The following ZNF143 variants were observed in gnomAD, a reference collection of about 807,000 sequenced individuals.
ZNF143 encodes the protein SPH-binding factor.
ZNF143 carries 49 observed loss-of-function variants against 74.1 expected under a neutral mutation model. The observed-to-expected ratio is 0.66, with a 90% CI of 0.53 to 0.84. ZNF143 has a LOEUF of 0.84. Among genes scored for constraint, ZNF143 ranks in the 40% least tolerant of loss-of-function variants. The pLI is 0.00. For synonymous variants in ZNF143, 304 were observed against 282.8 expected, an observed-to-expected ratio of 1.07 and a Z score of -0.75; for missense variants, 637 against 793.4, an observed-to-expected ratio of 0.80 and a Z score of 2.37.
intron 7 of ZNF143, among the ~76,000 whole-genome samples, chr11:9,493,093 C>T (rs1396049630): frequency 1.4e-5 from 2 of 141,210 alleles, no homozygotes; most frequent in African/African-American, 2.7e-5. Context: ...TTTTTTGAGA[C>T]GGATTCTCAC....
rs1386390017 is a variant in ZNF143, at chr11:9,527,564, G to C, written c.1868G>C (p.Arg623Thr). 2 of 1,612,200 alleles carry C rather than the reference G, an allele frequency of 1.2e-6. No individual in the cohort carries two copies. Among genetic ancestry groups the C allele is most frequent in the African/African-American group, 1.3e-5 (1 of 74,962 alleles). Residue 623 changes from arginine (R) to threonine (T), a missense_variant, in exon 16 of 16, where the codon AGA becomes ACA. Coordinates refer to ENST00000396602, the MANE Select transcript of ZNF143 (RefSeq NM_003442.6). ...CAGCCATCTCTGGAAGAAGCCATCA[G>C]AATAGCGTCTAGAATCCAACAAGGA... ...GEQPSLEEAI[R>T]IASRIQQGET...
rs1245802133 is a variant in ZNF143, at chr11:9,486,396, A to AT, written c.645+6850_645+6851insT. Among the ~76,000 whole-genome samples, 63 of 11,900 alleles carry AT rather than the reference A, an allele frequency of 5.3e-3. 1 individual carries two copies. The highest frequency in any genetic ancestry group is 7.2e-3 in the African/African-American group (33 of 4,590). The allele number at this position is 11,900 out of a possible 152,430, so 7.8% of individuals were successfully genotyped here. A position where few individuals can be genotyped will look rare whatever the true frequency, so the allele number is the denominator to read the frequency against. On this transcript the variant is annotated intron_variant, in intron 7 of 15. Coordinates refer to ENST00000396602, the MANE Select transcript of ZNF143 (RefSeq NM_003442.6). ...AATATATTATATATATAATATATATAATATATTATATATATAATATATATT... is the reference window on the plus strand; with the variant it reads ...AATATATTATATATATAATATATATATATATATTATATATATAATATATATT...
chr11:9,525,164 G>T, intron 14 of ZNF143, 76 bp from the exon 15 acceptor site: 1 of 1,536,906 alleles, frequency 6.5e-7, no homozygotes, highest in Non-Finnish European at 8.9e-7. Context: ...GAAATCCATT[G>T]TATTAAGTGG....
intron 11 of ZNF143, among the ~76,000 whole-genome samples, chr11:9,507,138 G>A (rs1848393725): frequency 6.6e-6 from 1 of 152,178 alleles, no homozygotes; most frequent in Non-Finnish European, 1.5e-5. Context: ...TTATGTTACG[G>A]TACATTAGTG....
chr11:9,466,398 C>T (rs987525585), intron 1 of ZNF143, among the ~76,000 whole-genome samples: 4 of 151,068 alleles, frequency 2.6e-5, no homozygotes, highest in Admixed American at 6.6e-5. Flanking sequence ...CGGATTCAAG[C>T]GATTCTCCTG....
intron 11 of ZNF143, among the ~76,000 whole-genome samples, chr11:9,505,605 G>T (rs1565056108): frequency 6.6e-6 from 1 of 152,130 alleles, no homozygotes; most frequent in Admixed American, 6.5e-5. Context: ...TTATGGCCAG[G>T]CATGGTGGCT....
intron 3 of ZNF143, chr11:9,473,633 A>G: frequency 7.8e-6 from 4 of 512,692 alleles, no homozygotes; most frequent in Non-Finnish European, 1.0e-5. Context: ...GGTCATGGTC[A>G]CTGATTCTAA....
intron 15 of ZNF143, among the ~76,000 whole-genome samples, chr11:9,526,724 G>C (rs558640963): frequency 2.0e-5 from 3 of 152,082 alleles, no homozygotes; most frequent in Non-Finnish European, 4.4e-5. Flanking sequence ...TTATAGTCAT[G>C]AGCCACCATG....
At chr11:9,484,621 T>G (rs1847385957) in intron 7 of ZNF143, among the ~76,000 whole-genome samples, 2 of 148,264 alleles carry the variant, frequency 1.3e-5, no homozygotes. Context: ...TTTTTTTTGT[T>G]TATTTTTTGT....
intron 15 of ZNF143, among the ~76,000 whole-genome samples, chr11:9,527,089 T>G (rs1849156967): frequency 6.6e-6 from 1 of 152,196 alleles, no homozygotes; most frequent in South Asian, 2.1e-4. Context: ...CGCCTCGGCC[T>G]CCCGAAGTGC....
intron 1 of ZNF143, 64 bp downstream of exon 1, chr11:9,461,140 G>T (rs1309781001): frequency 1.0e-6 from 1 of 963,424 alleles, no homozygotes; most frequent in South Asian, 4.8e-5. Flanking sequence ...CGCCCTCAGC[G>T]CGGCGGCGCG....
At chr11:9,479,251 T>C (rs754143031) in intron 6 of ZNF143, among the ~76,000 whole-genome samples, 1 of 152,146 alleles carries the variant, frequency 6.6e-6, no homozygotes, top group Non-Finnish European at 1.5e-5. Context: ...ATGATCCTCC[T>C]GCCTCAGCCT....
intron 1 of ZNF143, among the ~76,000 whole-genome samples, chr11:9,466,887 T>TG (rs1304405860): frequency 1.6e-4 from 25 of 151,910 alleles, no homozygotes; most frequent in African/African-American, 5.3e-4. Flanking sequence ...CTGGTTTTTT[T>TG]TTGTGTGTGT....
In ZNF143 at chr11:9,484,866, T is replaced by C. The variant is rs866564782; in HGVS notation, c.645+5320T>C. On this transcript the variant is annotated intron_variant, in intron 7 of 15. Transcript: ENST00000396602. ...AGGCTGGAGTGCAGTGGCGCGATCTTGGCTCACTGCAAGCTCCACCTCCCG... is the reference window on the plus strand; with the variant it reads ...AGGCTGGAGTGCAGTGGCGCGATCTCGGCTCACTGCAAGCTCCACCTCCCG... Among the ~76,000 whole-genome samples, 5 of 133,426 alleles carry C rather than the reference T, an allele frequency of 3.7e-5. No homozygotes were observed. The South Asian group carries it at 9.8e-4, about 26-fold the overall frequency. The allele number at this position is 133,426 out of a possible 152,430, so 87.5% of individuals were successfully genotyped here. A position where few individuals can be genotyped will look rare whatever the true frequency, so the allele number is the denominator to read the frequency against.
chr11:9,492,373 A>G (rs1847815450), intron 7 of ZNF143, among the ~76,000 whole-genome samples: 1 of 152,028 alleles, frequency 6.6e-6, no homozygotes, highest in African/African-American at 2.4e-5. Flanking sequence ...TTGGCCTCCC[A>G]GAGTGCTGGG....
rs370474107 is a variant in ZNF143, at chr11:9,475,910, A to ATATG, written c.373+1278_373+1279insATGT. Among the ~76,000 whole-genome samples the ATATG allele has an allele frequency of 4.8e-3, 658 of 137,352 alleles. 3 individuals are homozygous for ATATG. Among genetic ancestry groups the ATATG allele is most frequent in the African/African-American group, 0.011 (407 of 36,252 alleles). The allele number at this position is 137,352 out of a possible 152,430, so 90.1% of individuals were successfully genotyped here. ...GAGACCCTGTCTCAAAAAAATATAT[A>ATATG]TGTGTGTGTGTGTGTGTGTGTGTGT... On this transcript the variant is annotated intron_variant, in intron 5 of 15. Coordinates refer to ENST00000396602, the MANE Select transcript of ZNF143 (RefSeq NM_003442.6).
chr11:9,512,797 A>G (rs986644954), intron 13 of ZNF143, among the ~76,000 whole-genome samples: 3 of 152,176 alleles, frequency 2.0e-5, no homozygotes, highest in African/African-American at 7.2e-5. Context: ...TAGAATCCGA[A>G]TGGTATTCTT....
intron 9 of ZNF143, 125 bp downstream of exon 9, chr11:9,496,503 C>G (rs944197833): frequency 1.3e-5 from 10 of 773,380 alleles, no homozygotes; most frequent in African/African-American, 6.8e-5. Flanking sequence ...GTTTTTCAGT[C>G]TCTCTCATAA....
chr11:9,500,005 C>G (rs1848100315), intron 10 of ZNF143, among the ~76,000 whole-genome samples: 1 of 152,156 alleles, frequency 6.6e-6, no homozygotes, highest in South Asian at 2.1e-4. Flanking sequence ...TGCAGTGGCA[C>G]AGTCACAGCT....
Sources: allele counts gnomAD v4.1 joint callset (sites outside exome capture counted in the v4.1 genomes callset), GRCh38; gene constraint gnomAD v4.1.1; transcripts MANE v1.5; gene names NCBI Gene and HGNC (gene_info 2026-07-23, HGNC 2026-07-21).